Variants in HS1BP3 observed in about 807,000 individuals in gnomAD.
HS1BP3 encodes HCLS1-binding protein 3.
A neutral mutation model predicts 33.5 loss-of-function variants in HS1BP3; 32 were observed. That is an observed-to-expected ratio of 0.95 (90% confidence interval 0.72 to 1.28). The LOEUF is 1.28. Ranked by LOEUF, HS1BP3 falls within the 50% of genes most tolerant of loss-of-function variation. The pLI, the probability that HS1BP3 is intolerant of heterozygous loss-of-function variation, is 0.00. For synonymous variants in HS1BP3, 187 were observed against 209.2 expected, an observed-to-expected ratio of 0.89 and a Z score of 0.92; for missense variants, 486 against 502.3, an observed-to-expected ratio of 0.97 and a Z score of 0.31.
chr2:20,586,075 G>A (rs952287093), intron 5 of HS1BP3, among the ~76,000 whole-genome samples: 5 of 152,210 alleles, frequency 3.3e-5, no homozygotes, highest in African/African-American at 1.2e-4. Flanking sequence ...TACAGGCTCC[G>A]AGGTTCCAGT....
At position 20,638,619 on chromosome 2, in the gene HS1BP3, C is replaced by A. The variant is rs1053696602; in HGVS notation, c.440G>T (p.Ser147Ile). ...GCCATCCAGGACAGAGGAATCTCTG[C>A]TGGTGAGCCCTGCAGCCCCTGGGGA... The part of the protein sequence containing the change: ...TRSPGAAGLT[S>I]RDSSVLDGTD... The change falls in exon 4 of 7, where the codon AGC (serine) becomes ATC (isoleucine). Residue 147 changes from serine to isoleucine, a missense_variant. Transcript: ENST00000304031. The A allele has an allele frequency of 1.2e-6, 2 of 1,614,180 alleles. No individual in the cohort carries two copies. The highest frequency in any genetic ancestry group is 1.7e-6 in the Non-Finnish European group (2 of 1,180,012).
intron 5 of HS1BP3, among the ~76,000 whole-genome samples, chr2:20,564,565 T>C (rs1006740744): frequency 2.6e-5 from 4 of 152,128 alleles, no homozygotes; most frequent in Non-Finnish European, 4.4e-5. Flanking sequence ...CTGACTGCAA[T>C]CTCCACCTCC....
rs554323147 is a variant in HS1BP3 at position 20,642,863 on chromosome 2, G to A, written c.199-1683C>T. On this transcript the variant is annotated intron_variant, in intron 2 of 6. Coordinates refer to ENST00000304031, the MANE Select transcript of HS1BP3 (RefSeq NM_022460.4). ...CCGTGTGCCAGGCACTGCTGAGCAC[G>A]GGGCAGACAGCCCTGTAACGTTAGT... 1.7e-3 allele frequency among the ~76,000 whole-genome samples: 263 copies of A among 152,318 alleles called. 1 individual carries two copies. The highest frequency in any genetic ancestry group is 5.8e-3 in the African/African-American group (242 of 41,568).
chr2:20,605,158 A>G (rs1354098269), intron 2 of HS1BP3, among the ~76,000 whole-genome samples: 1 of 152,164 alleles, frequency 6.6e-6, no homozygotes, highest in Non-Finnish European at 1.5e-5. Flanking sequence ...CCCAGCTCTT[A>G]TTATTCACAG....
chr2:20,574,384 A>G (rs750092071), intron 5 of HS1BP3, among the ~76,000 whole-genome samples: 2 of 152,234 alleles, frequency 1.3e-5, no homozygotes, highest in South Asian at 2.1e-4. Context: ...ATATTAGCCC[A>G]TGAAAATCTT....
downstream of HS1BP3, among the ~76,000 whole-genome samples, chr2:20,559,302 T>G (rs1010227208): frequency 1.3e-5 from 2 of 152,208 alleles, no homozygotes; most frequent in Non-Finnish European, 2.9e-5. Context: ...CCAGCTCCCA[T>G]GAGGCCCGAT....
chr2:20,576,082 G>A (rs142469064), intron 5 of HS1BP3, among the ~76,000 whole-genome samples: 23 of 152,194 alleles, frequency 1.5e-4, no homozygotes, highest in African/African-American at 5.1e-4. Flanking sequence ...TCAATCTCCC[G>A]ATCCTCCTGT....
At chr2:20,559,189 G>T (rs1409399279), downstream of HS1BP3, among the ~76,000 whole-genome samples, 1 of 152,156 alleles carries the variant, frequency 6.6e-6, no homozygotes, top group Admixed American at 6.5e-5. Flanking sequence ...ACCCCACAAA[G>T]CCCCAGTTCC....
chr2:20,624,326 G>C (rs1175188732), intron 5 of HS1BP3, among the ~76,000 whole-genome samples: 2 of 152,164 alleles, frequency 1.3e-5, no homozygotes, highest in African/African-American at 4.8e-5. Flanking sequence ...TGAATTAGTG[G>C]GTGGCATCAA....
intron 5 of HS1BP3, among the ~76,000 whole-genome samples, chr2:20,562,058 G>A (rs529549484): frequency 5.9e-5 from 9 of 152,304 alleles, no homozygotes; most frequent in Admixed American, 1.3e-4. Context: ...TGCTAACCAC[G>A]TGGAGGTGCT....
At chr2:20,595,311 C>T (rs763482742) in intron 3 of HS1BP3, among the ~76,000 whole-genome samples, 4 of 152,170 alleles carry the variant, frequency 2.6e-5, no homozygotes, top group African/African-American at 4.8e-5. Flanking sequence ...TGTCTACCCA[C>T]GGGAAGGGGG....
chr2:20,618,935 C>T lies in HS1BP3; in HGVS notation c.*52G>A, dbSNP rs900273626. On this transcript the variant is annotated 3_prime_UTR_variant, in exon 7 of 7. Coordinates refer to ENST00000304031, the MANE Select transcript of HS1BP3 (RefSeq NM_022460.4). ...TGCAGGGCCCAGTCCCTTCCCTTCACACCGATGTCCCCACAGACAGGCCTG... is the reference window on the plus strand; with the variant it reads ...TGCAGGGCCCAGTCCCTTCCCTTCATACCGATGTCCCCACAGACAGGCCTG... 6.4e-7 allele frequency: 1 copy of T among 1,574,418 alleles called. No individual in the cohort carries two copies. The highest frequency in any genetic ancestry group is 8.6e-7 in the Non-Finnish European group (1 of 1,159,246).
chr2:20,617,310 G>A (rs6739357), downstream of HS1BP3, among the ~76,000 whole-genome samples: 2,873 of 152,298 alleles, frequency 0.019, 105 homozygotes, highest in African/African-American at 0.066. Context: ...AGGGGCGGGT[G>A]TGAAGGGGGA....
At chr2:20,577,654 G>A (rs896514392) in intron 5 of HS1BP3, among the ~76,000 whole-genome samples, 1 of 152,190 alleles carries the variant, frequency 6.6e-6, no homozygotes, top group African/African-American at 2.4e-5. Flanking sequence ...GCTGCAGCCT[G>A]GGAGGGAGAG....
At chr2:20,610,161 C>A (rs1694290237) in intron 2 of HS1BP3, among the ~76,000 whole-genome samples, 1 of 152,208 alleles carries the variant, frequency 6.6e-6, no homozygotes, top group Admixed American at 6.5e-5. Flanking sequence ...CCACCAGCAA[C>A]AGCCTGCACC....
chr2:20,648,134 T>C (rs1558354027), intron 1 of HS1BP3, among the ~76,000 whole-genome samples: 1 of 152,222 alleles, frequency 6.6e-6, no homozygotes, highest in Non-Finnish European at 1.5e-5. Context: ...ACCCCTCTTT[T>C]TCGCACCATC....
rs116097419 is a variant in HS1BP3, at chr2:20,609,025, T to C, written c.179-10760A>G. Among the ~76,000 whole-genome samples, 1,009 of 152,314 alleles carry C rather than the reference T, an allele frequency of 6.6e-3. 13 individuals carry two copies. Among genetic ancestry groups the C allele is most frequent in the African/African-American group, 0.021 (871 of 41,584 alleles). On this transcript the variant is annotated intron_variant, in intron 2 of 3. Transcript: ENST00000415264. ...AGAGCTATGTCTGAGCCCGCCTGGC[T>C]ACAGGGAAAACAAACCCCAAAACCT...
intron 5 of HS1BP3, among the ~76,000 whole-genome samples, chr2:20,575,773 C>T (rs945650400): frequency 4.8e-5 from 7 of 146,178 alleles, no homozygotes; most frequent in African/African-American, 1.8e-4. Context: ...CCCCCCCCCC[C>T]CTTCAGGCTA....
In HS1BP3 at chr2:20,598,638, A is replaced by G. The variant is rs375457869; in HGVS notation, c.179-373T>C. Among the ~76,000 whole-genome samples the G allele has an allele frequency of 5.2e-4, 64 of 124,044 alleles. No homozygotes were observed. In the South Asian group the frequency reaches 0.017, roughly 33 times the overall value. The allele number at this position is 124,044 out of a possible 152,430, so 81.4% of individuals were successfully genotyped here. Reference sequence around the variant, plus strand: ...CAGTGGCGGGATCTCGGCTCACTGCAAGCTCCGCCTCCCGGGTTCACGCCA... The same window carrying G: ...CAGTGGCGGGATCTCGGCTCACTGCGAGCTCCGCCTCCCGGGTTCACGCCA... On this transcript the variant is annotated intron_variant, in intron 2 of 3. Coordinates refer to the HS1BP3 transcript ENST00000415264.
Sources: gnomAD v4.1 joint callset for allele counts (sites outside exome capture counted in the v4.1 genomes callset) on GRCh38, gnomAD v4.1.1 for gene constraint, MANE v1.5 for transcripts, NCBI Gene and HGNC (gene_info 2026-07-23, HGNC 2026-07-21) for gene names.